Variants in WDSUB1 observed in about 807,000 individuals in gnomAD.
WDSUB1 encodes WD repeat, SAM and U-box domain-containing protein 1.
WDSUB1 carries 49 observed loss-of-function variants against 53.9 expected under a neutral mutation model. That is an observed-to-expected ratio of 0.91 (90% CI 0.72 to 1.15). The LOEUF is 1.15. WDSUB1 is among the 50% of genes most tolerant of loss of function. The pLI is 0.00. For synonymous variants in WDSUB1, 194 were observed against 200.6 expected (o/e 0.97, Z 0.28); for missense variants, 514 against 562.0 (o/e 0.91, Z 0.86).
intron 4 of WDSUB1, among the ~76,000 whole-genome samples, chr2:159,273,018 C>A (rs2061473248): frequency 6.6e-6 from 1 of 152,026 alleles, no homozygotes; most frequent in Non-Finnish European, 1.5e-5. Flanking sequence ...ACAATAAAAC[C>A]TTTTTTGAAG....
At chr2:159,285,619 T>A (rs2061776369) in intron 1 of WDSUB1, among the ~76,000 whole-genome samples, 1 of 152,050 alleles carries the variant, frequency 6.6e-6, no homozygotes, top group Admixed American at 6.5e-5. Context: ...GGCGGGAGCA[T>A]CACTTGAGCC....
At chr2:159,250,672 T>C (rs1029984562) in intron 9 of WDSUB1, among the ~76,000 whole-genome samples, 1 of 152,184 alleles carries the variant, frequency 6.6e-6, no homozygotes, top group African/African-American at 2.4e-5. Flanking sequence ...AGTGGAAGGT[T>C]TACGAGGAGT....
rs554080299 is a variant in WDSUB1, at chr2:159,245,343, C to T, written c.1273+3029G>A. Among the ~76,000 whole-genome samples the T allele has an allele frequency of 6.8e-4, 103 of 152,104 alleles. 1 individual carries two copies. In the Middle Eastern group the frequency reaches 0.014, roughly 20 times the overall value. ...AGCAGTTCAAGACCAGCCTGACCAA[C>T]GTGGCGAAACCCCATCTCTACTAAA... On this transcript the variant is annotated intron_variant, in intron 10 of 10. Transcript: ENST00000359774.
rs760832652 is a variant in WDSUB1, at chr2:159,257,791, T to C, written c.919A>G (p.Ile307Val). The change falls in exon 8 of 11, where the codon ATC becomes GTC. Residue 307 changes from isoleucine to valine, a missense_variant. Physicochemically the swap from Ile to Val is conservative, Grantham distance 29. Coordinates refer to ENST00000359774, the MANE Select transcript of WDSUB1 (RefSeq NM_001128212.3). Reference sequence around the variant, plus strand: ...AGTGTTTCCAGGTCAAATTGCCAGATGTTCACTGTTTTGTCCATTGAACCA... The same window carrying C: ...AGTGTTTCCAGGTCAAATTGCCAGACGTTCACTGTTTTGTCCATTGAACCA... The part of the protein sequence containing the change: ...ATGSMDKTVN[I>V]WQFDLETLCQ... The C allele has an allele frequency of 1.2e-6, 2 of 1,614,118 alleles. No homozygotes were observed. Among genetic ancestry groups the C allele is most frequent in the South Asian group, 2.2e-5 (2 of 91,090 alleles).
At chr2:159,244,342 A>G (rs1279928296) in intron 10 of WDSUB1, among the ~76,000 whole-genome samples, 1 of 152,026 alleles carries the variant, frequency 6.6e-6, no homozygotes, top group Non-Finnish European at 1.5e-5. Context: ...TAACAGCCCT[A>G]CATATCTAAG....
At position 159,252,638 on chromosome 2, in the gene WDSUB1, C is replaced by T. The variant is rs111996624; in HGVS notation, c.1132+3558G>A. ...CACTTTAATCACATATAAACAACAA[C>T]AAAAAAACTGTAAATGTTCAATTAC... On this transcript the variant is annotated intron_variant, in intron 9 of 10. Coordinates refer to ENST00000359774, the MANE Select transcript of WDSUB1 (RefSeq NM_001128212.3). 2.6e-5 allele frequency among the ~76,000 whole-genome samples: 4 copies of T among 151,986 alleles called. No individual in the cohort carries two copies. The East Asian group carries it at 7.7e-4, about 29-fold the overall frequency.
At chr2:159,262,306 A>G (rs2061243834) in intron 5 of WDSUB1, among the ~76,000 whole-genome samples, 1 of 152,100 alleles carries the variant, frequency 6.6e-6, no homozygotes, top group African/African-American at 2.4e-5. Flanking sequence ...GAGTCCACAT[A>G]TGGGAACGGC....
chr2:159,277,504 T>C (rs2061568855), intron 3 of WDSUB1, among the ~76,000 whole-genome samples: 1 of 152,188 alleles, frequency 6.6e-6, no homozygotes, highest in Admixed American at 6.5e-5. Context: ...ATGTTCAGTA[T>C]CTAAATATAA....
chr2:159,275,472 T>TA (rs1224754536), intron 4 of WDSUB1, 74 bp downstream of exon 4: 55 of 1,235,522 alleles, frequency 4.5e-5, no homozygotes, highest in Middle Eastern at 2.4e-4. Flanking sequence ...CAAGGTACCT[T>TA]AAGTAAAAAG....
At position 159,265,084 on chromosome 2, in the gene WDSUB1, C is replaced by CA. The variant is rs1164740308; in HGVS notation, c.771-5242dup. Among the ~76,000 whole-genome samples, 887 of 94,734 alleles carry CA rather than the reference C, an allele frequency of 9.4e-3. 7 individuals are homozygous for CA. The highest frequency in any genetic ancestry group is 0.021 in the East Asian group (66 of 3,210). The allele number at this position is 94,734 out of a possible 152,430, so 62.1% of individuals were successfully genotyped here. On this transcript the variant is annotated intron_variant, in intron 5 of 10. Transcript: ENST00000359774. ...GGGTAACAAGAGCGAAACTCCATCT[C>CA]AAAAAAAAAAAAAAATAAAACAACA...
chr2:159,240,379 T>C (rs2060612534), intron 10 of WDSUB1, among the ~76,000 whole-genome samples: 1 of 152,222 alleles, frequency 6.6e-6, no homozygotes, highest in South Asian at 2.1e-4. Flanking sequence ...CTCCTGCCTA[T>C]AGACTTAGGA....
intron 10 of WDSUB1, among the ~76,000 whole-genome samples, chr2:159,247,751 C>A (rs2060831936): frequency 6.6e-6 from 1 of 150,562 alleles, no homozygotes; most frequent in African/African-American, 2.4e-5. Flanking sequence ...CACCAACTAA[C>A]AGAAAAGTCA....
chr2:159,267,222 T>G (rs767184371), intron 5 of WDSUB1, among the ~76,000 whole-genome samples: 1 of 152,178 alleles, frequency 6.6e-6, no homozygotes, highest in Admixed American at 6.5e-5. Context: ...CATATCTGCA[T>G]AGAAATTCTA....
chr2:159,259,677 T>C (rs1245314828), intron 6 of WDSUB1, 133 bp downstream of exon 6: 5 of 987,348 alleles, frequency 5.1e-6, no homozygotes, highest in East Asian at 3.0e-5. Context: ...ATTTTAGCAT[T>C]TGTGAAAATA....
At chr2:159,261,882 ATATATATATATATATTTTTT>A (rs1558856384) in intron 5 of WDSUB1, among the ~76,000 whole-genome samples, 5 of 19,860 alleles carry the variant, frequency 2.5e-4, no homozygotes, top group Non-Finnish European at 1.5e-4. Flanking sequence ...ATATATATAT[ATATATATATATATATTTTTT>A]TTTTTTTTTT....
intron 10 of WDSUB1, among the ~76,000 whole-genome samples, chr2:159,240,156 C>T (rs2151037814): frequency 6.6e-6 from 1 of 152,272 alleles, no homozygotes. Flanking sequence ...CACTATGCAG[C>T]CTTTGGTATA....
At chr2:159,242,930 T>C (rs1339622506) in intron 10 of WDSUB1, among the ~76,000 whole-genome samples, 1 of 147,448 alleles carries the variant, frequency 6.8e-6, no homozygotes, top group Non-Finnish European at 1.5e-5. Flanking sequence ...AAAATATACA[T>C]AAGGAAAAAC....
At chr2:159,280,054 GAA>G in intron 2 of WDSUB1, 109 bp from the exon 3 acceptor site, 1 of 982,976 alleles carries the variant, frequency 1.0e-6, no homozygotes, top group Non-Finnish European at 1.4e-6. Flanking sequence ...GGCTATCACA[GAA>G]CTAGAGAGAA....
intron 9 of WDSUB1, among the ~76,000 whole-genome samples, chr2:159,249,623 T>G (rs2060900610): frequency 6.6e-6 from 1 of 152,170 alleles, no homozygotes; most frequent in Non-Finnish European, 1.5e-5. Flanking sequence ...CGTCCCTCCC[T>G]GTGGGAGGGC....
Sources: gnomAD v4.1 joint callset for allele counts (sites outside exome capture counted in the v4.1 genomes callset) on GRCh38, gnomAD v4.1.1 for gene constraint, MANE v1.5 for transcripts, NCBI Gene and HGNC (gene_info 2026-07-23, HGNC 2026-07-21) for gene names.